The following CAST variants were observed in gnomAD, a reference collection of about 807,000 sequenced individuals.
CAST encodes the protein MIR583 host.
Under a neutral mutation model 119.6 loss-of-function variants are expected in CAST, and 76 were observed. The observed-to-expected ratio is 0.64, with a 90% CI of 0.53 to 0.77. The LOEUF is 0.77. Among genes scored for constraint, CAST ranks in the 30% least tolerant of loss-of-function variants. CAST has a pLI of 0.00. For missense variants in CAST, 953 were observed against 946.5 expected (o/e 1.01, Z -0.09); for synonymous variants, 319 against 331.6 (o/e 0.96, Z 0.41).
intron 1 of CAST, among the ~76,000 whole-genome samples, chr5:96,558,254 G>A (rs1746283409): frequency 2.0e-5 from 3 of 152,034 alleles, no homozygotes; most frequent in Admixed American, 1.3e-4. Flanking sequence ...GAGAAAGCAG[G>A]AAAGATCTAA....
intron 1 of CAST, chr5:96,662,915 C>G (rs1748759176): frequency 1.7e-6 from 1 of 588,310 alleles, no homozygotes; most frequent in East Asian, 2.9e-5. Flanking sequence ...GAGCCTCTTC[C>G]CTAACCAGCC....
At chr5:95,993,704 G>A in the CAST span, among the ~76,000 whole-genome samples, 1 of 152,144 alleles carries the variant, frequency 6.6e-6, no homozygotes, top group South Asian at 2.1e-4. Flanking sequence ...GCAAGCCACA[G>A]ACTGGGAGAA....
At chr5:96,216,671 G>A in the CAST span, among the ~76,000 whole-genome samples, 7 of 152,296 alleles carry the variant, frequency 4.6e-5, no homozygotes, top group African/African-American at 7.2e-5. Flanking sequence ...AAGTCTTCAA[G>A]ATCATGGTGG....
chr5:96,342,358 G>T, the CAST span, among the ~76,000 whole-genome samples: 5 of 152,248 alleles, frequency 3.3e-5, no homozygotes, highest in Non-Finnish European at 5.9e-5. Flanking sequence ...ATGGAAACCA[G>T]CTGGGGATTG....
the CAST span, among the ~76,000 whole-genome samples, chr5:96,478,680 T>C: frequency 1.3e-5 from 2 of 152,244 alleles, no homozygotes; most frequent in Non-Finnish European, 1.5e-5. Context: ...GACCATTCTC[T>C]CTTGTTTCGA....
intron 1 of CAST, among the ~76,000 whole-genome samples, chr5:96,624,282 G>A (rs191569026): frequency 2.0e-4 from 31 of 152,324 alleles, no homozygotes; most frequent in African/African-American, 7.5e-4. Flanking sequence ...ACTATCCTTA[G>A]ACAGTAGAGT....
chr5:96,466,794 C>T, the CAST span, among the ~76,000 whole-genome samples: 3 of 152,184 alleles, frequency 2.0e-5, no homozygotes, highest in Non-Finnish European at 4.4e-5. Flanking sequence ...TTTTGCAATG[C>T]ATGCAATGGA....
At chr5:96,074,880 A>G in the CAST span, among the ~76,000 whole-genome samples, 21 of 152,310 alleles carry the variant, frequency 1.4e-4, no homozygotes, top group East Asian at 1.2e-3. Context: ...TCTTGTTTGC[A>G]TATTCCTCAT....
the CAST span, among the ~76,000 whole-genome samples, chr5:96,290,468 TTAAA>T: frequency 8.2e-6 from 1 of 121,390 alleles, no homozygotes; most frequent in African/African-American, 3.3e-5. Context: ...CAAAATTAAA[TTAAA>T]TAAAACTCAG....
the CAST span, among the ~76,000 whole-genome samples, chr5:96,074,191 G>A: frequency 1.0e-5 from 1 of 97,104 alleles, no homozygotes; most frequent in Non-Finnish European, 2.3e-5. Flanking sequence ...ACTTCTCTTT[G>A]TTTCTGTAAG....
At chr5:96,038,697 G>T in the CAST span, among the ~76,000 whole-genome samples, 4 of 152,000 alleles carry the variant, frequency 2.6e-5, no homozygotes, top group Non-Finnish European at 5.9e-5. Flanking sequence ...CAAAGGACAT[G>T]AACTCATCCT....
At chr5:96,745,489 C>G (rs544701402) in intron 16 of CAST, among the ~76,000 whole-genome samples, 2 of 152,188 alleles carry the variant, frequency 1.3e-5, no homozygotes, top group Admixed American at 6.5e-5. Context: ...GTTTAAGAAC[C>G]ACACTCTTAG....
the CAST span, among the ~76,000 whole-genome samples, chr5:96,364,431 C>A: frequency 6.6e-6 from 1 of 151,612 alleles, no homozygotes. Context: ...TTGTAGAATT[C>A]GGCTGTGAAT....
chr5:96,773,248 T>C lies in CAST; in HGVS notation c.*632T>C, dbSNP rs908425256. The stretch of plus-strand genomic sequence containing the variant: ...CAGGAAGCACCAAACCCCTTTTCAG[T>C]TTGAACTCTTCTTTGCCAGGTGTGA... On this transcript the variant is annotated 3_prime_UTR_variant, in exon 32 of 32. Coordinates refer to ENST00000675179, the MANE Select transcript of CAST (RefSeq NM_001750.7). 6.5e-5 allele frequency: 10 copies of C among 153,556 alleles called. No homozygotes were observed. The highest frequency in any genetic ancestry group is 1.0e-4 in the Non-Finnish European group (7 of 68,026). 9.5% of individuals were successfully genotyped at this position (153,556 alleles called of 1,614,324 possible).
At chr5:96,745,202 G>A (rs1763512878) in intron 16 of CAST, among the ~76,000 whole-genome samples, 1 of 152,144 alleles carries the variant, frequency 6.6e-6, no homozygotes, top group East Asian at 1.9e-4. Context: ...CCGAAATAGA[G>A]CGTGACTGGA....
chr5:96,215,328 A>G, the CAST span: 5 of 152,198 alleles, frequency 3.3e-5, no homozygotes, highest in Admixed American at 1.3e-4. Context: ...TTAAATATTT[A>G]TAAACATTTA....
intron 1 of CAST, among the ~76,000 whole-genome samples, chr5:96,668,148 G>A (rs1356882081): frequency 3.9e-5 from 4 of 102,874 alleles, no homozygotes; most frequent in South Asian, 3.2e-4. Flanking sequence ...ACAGACACGC[G>A]TGCACACACA....
In CAST at chr5:96,691,460, A is replaced by G. The variant is rs1049057460; in HGVS notation, c.139-4376A>G. On this transcript the variant is annotated intron_variant, in intron 2 of 31. Transcript: ENST00000675179. ...AAAGGTTATTATTTTTTATAATTGT[A>G]TACATAATAAAACTCATAGAAAATT... Among the ~76,000 whole-genome samples the G allele has an allele frequency of 4.6e-5, 7 of 152,358 alleles. No homozygotes were observed. The East Asian group carries it at 5.8e-4, about 13-fold the overall frequency.
At chr5:96,177,973 A>T in the CAST span, among the ~76,000 whole-genome samples, 1 of 152,238 alleles carries the variant, frequency 6.6e-6, no homozygotes, top group Non-Finnish European at 1.5e-5. Context: ...TTGACATAAA[A>T]TATATCTGAT....
Sources: allele counts gnomAD v4.1 joint callset (sites outside exome capture counted in the v4.1 genomes callset), GRCh38; gene constraint gnomAD v4.1.1; transcripts MANE v1.5; gene names NCBI Gene and HGNC (gene_info 2026-07-23, HGNC 2026-07-21).